Variants in ADAMTS2 observed in about 807,000 individuals in gnomAD.
ADAMTS2 encodes A disintegrin and metalloproteinase with thrombospondin motifs 2.
Under a neutral mutation model 123.0 loss-of-function variants are expected in ADAMTS2, and 50 were observed. That is an observed-to-expected ratio of 0.41 (90% CI 0.32 to 0.51). ADAMTS2 has a LOEUF of 0.51. ADAMTS2 is among the 20% of genes least tolerant of loss of function. The pLI, the probability that ADAMTS2 is intolerant of heterozygous loss-of-function variation, is 0.35. For missense variants in ADAMTS2, 1,494 were observed against 1,705.2 expected (o/e 0.88, Z 2.18); for synonymous variants, 678 against 695.4 (o/e 0.98, Z 0.39).
At chr5:179,261,281 C>T (rs1334085243) in intron 3 of ADAMTS2, among the ~76,000 whole-genome samples, 1 of 152,146 alleles carries the variant, frequency 6.6e-6, no homozygotes. Context: ...CGCAAATTAG[C>T]GCAAAAAGCA....
intron 2 of ADAMTS2, among the ~76,000 whole-genome samples, chr5:179,331,692 T>C (rs1379320234): frequency 6.6e-6 from 1 of 152,068 alleles, no homozygotes; most frequent in Non-Finnish European, 1.5e-5. Context: ...CATTTAGGGC[T>C]GTTCTGGAAA....
At chr5:179,240,893 G>C (rs1252309250) in intron 3 of ADAMTS2, among the ~76,000 whole-genome samples, 1 of 152,226 alleles carries the variant, frequency 6.6e-6, no homozygotes, top group Non-Finnish European at 1.5e-5. Flanking sequence ...AAGGGAAGAG[G>C]AACAGGGTTC....
In ADAMTS2 at chr5:179,317,726, T is replaced by A. The variant is rs1439113089; in HGVS notation, c.534+26041A>T. On this transcript the variant is annotated intron_variant, in intron 2 of 21. Transcript: ENST00000251582. The surrounding 1 kb of genome is among the most constrained non-coding windows in gnomAD (Gnocchi z 4.9). ...CATCACCCACACACACACGTGTACA[T>A]TTCAGCACGCGTCTAGGGGAGGTTA... 2.0e-5 allele frequency among the ~76,000 whole-genome samples: 3 copies of A among 152,180 alleles called. No homozygotes were observed. The highest frequency in any genetic ancestry group is 4.4e-5 in the Non-Finnish European group (3 of 68,032).
intron 10 of ADAMTS2, among the ~76,000 whole-genome samples, chr5:179,146,384 T>C (rs1422287079): frequency 2.0e-5 from 3 of 152,190 alleles, no homozygotes; most frequent in Non-Finnish European, 4.4e-5. Context: ...CTCTCTGGTT[T>C]CCGTCCTTGA....
At chr5:179,187,530 A>T (rs1205733827) in intron 4 of ADAMTS2, among the ~76,000 whole-genome samples, 2 of 152,170 alleles carry the variant, frequency 1.3e-5, no homozygotes, top group Non-Finnish European at 2.9e-5. Flanking sequence ...AATGGGCAAA[A>T]TGTATGACCC....
At position 179,175,529 on chromosome 5, in the gene ADAMTS2, C is replaced by T. The variant is rs1278157234; in HGVS notation, c.975+5543G>A. Reference sequence around the variant, plus strand: ...TGTCAGGACTATTCCAGGTATTCTACATTTTTGGTTACTACCATAATGGAA... The same window carrying T: ...TGTCAGGACTATTCCAGGTATTCTATATTTTTGGTTACTACCATAATGGAA... On this transcript the variant is annotated intron_variant, in intron 5 of 21. Coordinates refer to ENST00000251582, the MANE Select transcript of ADAMTS2 (RefSeq NM_014244.5). This position sits in a 1 kb window ranked among gnomAD's most constrained non-coding sequence, Gnocchi z 4.1. 6.6e-6 allele frequency among the ~76,000 whole-genome samples: 1 copy of T among 152,190 alleles called. No individual in the cohort carries two copies. The highest frequency in any genetic ancestry group is 2.4e-5 in the African/African-American group (1 of 41,456).
intron 10 of ADAMTS2, among the ~76,000 whole-genome samples, chr5:179,147,643 A>C (rs935884316): frequency 6.6e-6 from 1 of 152,188 alleles, no homozygotes; most frequent in South Asian, 2.1e-4. Flanking sequence ...CGGTGTGGCG[A>C]GTATTTCTGG....
chr5:179,173,917 G>A (rs1315249640), intron 5 of ADAMTS2, among the ~76,000 whole-genome samples: 1 of 151,448 alleles, frequency 6.6e-6, no homozygotes, highest in East Asian at 1.9e-4. Flanking sequence ...GGAGGCTGAG[G>A]CAGGAGAATC....
At chr5:179,236,341 G>A (rs1765529056) in intron 3 of ADAMTS2, among the ~76,000 whole-genome samples, 1 of 152,172 alleles carries the variant, frequency 6.6e-6, no homozygotes, top group South Asian at 2.1e-4. Flanking sequence ...ACTCCCGTAA[G>A]GGTGAACCAG....
chr5:179,122,048 G>C (rs531649662), intron 20 of ADAMTS2, among the ~76,000 whole-genome samples: 1 of 152,074 alleles, frequency 6.6e-6, no homozygotes, highest in South Asian at 2.1e-4. Context: ...CCCGCGCCCC[G>C]GGTTCCACCT....
In ADAMTS2 at chr5:179,312,770, C is replaced by T. The variant is rs78580852; in HGVS notation, c.534+30997G>A. On this transcript the variant is annotated intron_variant, in intron 2 of 21. Transcript: ENST00000251582. This position sits in a 1 kb window ranked among gnomAD's most constrained non-coding sequence, Gnocchi z 4.2. Reference sequence around the variant, plus strand: ...CACGAGGACCTGGAAGAGCCCAGGACGCATCCTCCCCTAGAGGCTCCGGAG... The same window carrying T: ...CACGAGGACCTGGAAGAGCCCAGGATGCATCCTCCCCTAGAGGCTCCGGAG... Among the ~76,000 whole-genome samples, 394 of 152,338 alleles carry T rather than the reference C, an allele frequency of 2.6e-3. 2 individuals carry two copies. Among genetic ancestry groups the T allele is most frequent in the African/African-American group, 9.0e-3 (376 of 41,584 alleles).
At position 179,345,252 on chromosome 5, in the gene ADAMTS2, G is replaced by GGCGGCGGCAGCAGCAGCA; in HGVS notation, c.59_76dup (p.Leu20_Pro25dup). The GGCGGCGGCAGCAGCAGCA allele has an allele frequency of 8.7e-7, 1 of 1,143,606 alleles. No homozygotes were observed. 70.8% of individuals were successfully genotyped at this position (1,143,606 alleles called of 1,614,324 possible). ...GGGCGGCGGCGGCGGCGGCAGGAGC[G>GGCGGCGGCAGCAGCAGCA]GCGGCGGCAGCAGCAGCAGCAGCAG... On this transcript the variant is annotated inframe_insertion, in exon 1 of 22. Transcript: ENST00000251582. The surrounding 1 kb of genome is among the most constrained non-coding windows in gnomAD (Gnocchi z 7.5).
intron 4 of ADAMTS2, among the ~76,000 whole-genome samples, chr5:179,193,526 A>G (rs1468050607): frequency 6.6e-6 from 1 of 152,232 alleles, no homozygotes; most frequent in Non-Finnish European, 1.5e-5. Flanking sequence ...TTCAGACGTC[A>G]GCATGGACGA....
chr5:179,289,544 C>A (rs1756127959), intron 2 of ADAMTS2, among the ~76,000 whole-genome samples: 1 of 152,172 alleles, frequency 6.6e-6, no homozygotes, highest in Non-Finnish European at 1.5e-5. Context: ...AGAATGCTCA[C>A]ATCACGTCAC....
At position 179,126,401 on chromosome 5, in the gene ADAMTS2, C is replaced by T. The variant is rs62396115; in HGVS notation, c.2618-271G>A. Among the ~76,000 whole-genome samples, 809 of 152,320 alleles carry T rather than the reference C, an allele frequency of 5.3e-3. 5 individuals carry two copies. Among genetic ancestry groups the T allele is most frequent in the Non-Finnish European group, 9.1e-3 (622 of 68,024 alleles). On this transcript the variant is annotated intron_variant, in intron 17 of 21. Coordinates refer to ENST00000251582, the MANE Select transcript of ADAMTS2 (RefSeq NM_014244.5). The stretch of plus-strand genomic sequence containing the variant: ...CTGGGTCAGAGTGGAGGCCCTATTT[C>T]CTTGCTACTGCTAGGCACCGCTTCT...
chr5:179,137,311 T>G (rs1281714705), intron 12 of ADAMTS2, among the ~76,000 whole-genome samples: 1 of 152,270 alleles, frequency 6.6e-6, no homozygotes, highest in Non-Finnish European at 1.5e-5. Flanking sequence ...CTCAGGTCCC[T>G]GAGCCAATAA....
In ADAMTS2 at chr5:179,189,822, G is replaced by GA. The variant is rs1764263798; in HGVS notation, c.892-8668_892-8667insT. Among the ~76,000 whole-genome samples, 2 of 150,904 alleles carry GA rather than the reference G, an allele frequency of 1.3e-5. No homozygotes were observed. The highest frequency in any genetic ancestry group is 1.3e-4 in the Admixed American group (2 of 15,136). ...TTACTAAGTATCTTCTTAAGTTGGG[G>GA]GGAGAGAATATTACAAAGTATCTTC... On this transcript the variant is annotated intron_variant, in intron 4 of 21. Coordinates refer to ENST00000251582, the MANE Select transcript of ADAMTS2 (RefSeq NM_014244.5). This position sits in a 1 kb window ranked among gnomAD's most constrained non-coding sequence, Gnocchi z 4.2.
Position 179,130,176 on chromosome 5 carries a change from G to A in ADAMTS2, c.2291-78C>T. ...AGGCCCACTGGTTTGGGCTGGTCGG[G>A]GAGTGGGGGCAGCTAGCTGGACCCC... On this transcript the variant is annotated intron_variant, in intron 15 of 21. Coordinates refer to ENST00000251582, the MANE Select transcript of ADAMTS2 (RefSeq NM_014244.5). This position sits in a 1 kb window ranked among gnomAD's most constrained non-coding sequence, Gnocchi z 4.3. 2 of 1,580,006 alleles carry A rather than the reference G, an allele frequency of 1.3e-6. No homozygotes were observed. Among genetic ancestry groups the A allele is most frequent in the Non-Finnish European group, 1.7e-6 (2 of 1,153,438 alleles).
chr5:179,297,445 G>A (rs1756371577), intron 2 of ADAMTS2, among the ~76,000 whole-genome samples: 1 of 152,042 alleles, frequency 6.6e-6, no homozygotes. Flanking sequence ...ACCAAGAGGT[G>A]AAGTTGGTAT....
Sources: allele counts gnomAD v4.1 joint callset (sites outside exome capture counted in the v4.1 genomes callset), GRCh38; gene constraint gnomAD v4.1.1; non-coding constraint Gnocchi (gnomAD v3.1); transcripts MANE v1.5; gene names NCBI Gene and HGNC (gene_info 2026-07-23, HGNC 2026-07-21).